The following DPP6 variants were observed in gnomAD, a reference collection of about 807,000 sequenced individuals.
The protein encoded by DPP6 is dipeptidyl peptidase like 6, also known as A-type potassium channel modulatory protein DPP6.
In DPP6, 69 loss-of-function variants were observed where a neutral mutation model predicts 122.6. That is an observed-to-expected ratio of 0.56 (90% CI 0.46 to 0.69). The LOEUF (loss-of-function observed/expected upper bound fraction) is 0.69. Among genes scored for constraint, DPP6 ranks in the 30% least tolerant of loss-of-function variants. The pLI, the probability that DPP6 is intolerant of heterozygous loss-of-function variation, is 0.00. For synonymous variants in DPP6, 418 were observed against 433.1 expected (o/e 0.97, Z 0.43); for missense variants, 928 against 1,116.9 (o/e 0.83, Z 2.41).
chr7:154,218,037 A>T (rs944901359), intron 1 of DPP6, among the ~76,000 whole-genome samples: 1 of 152,240 alleles, frequency 6.6e-6, no homozygotes, highest in Non-Finnish European at 1.5e-5. Context: ...ACATATGAAA[A>T]AAAGAAGCCA....
chr7:154,314,078 G>A (rs1044578999), intron 1 of DPP6, among the ~76,000 whole-genome samples: 2 of 152,084 alleles, frequency 1.3e-5, no homozygotes, highest in Admixed American at 1.3e-4. Context: ...GGATGATGAA[G>A]ACCTGACCCT....
chr7:154,419,333 GC>G (rs1187586958), intron 1 of DPP6, among the ~76,000 whole-genome samples: 1 of 152,184 alleles, frequency 6.6e-6, no homozygotes, highest in Non-Finnish European at 1.5e-5. Context: ...TGATGGGTAT[GC>G]TTTATTTACA....
intron 3 of DPP6, among the ~76,000 whole-genome samples, chr7:154,506,921 T>C (rs1157131931): frequency 6.6e-6 from 1 of 152,206 alleles, no homozygotes; most frequent in Non-Finnish European, 1.5e-5. Context: ...TAGCAATAGA[T>C]TAACACTGTT....
At chr7:153,775,817 A>G in the DPP6 span, among the ~76,000 whole-genome samples, 5 of 152,206 alleles carry the variant, frequency 3.3e-5, no homozygotes, top group African/African-American at 9.6e-5. Context: ...TTTAAAAATT[A>G]CCATTCAAAA....
chr7:154,785,416 G>T (rs1797280052), intron 10 of DPP6, among the ~76,000 whole-genome samples: 1 of 152,120 alleles, frequency 6.6e-6, no homozygotes, highest in South Asian at 2.1e-4. Flanking sequence ...TGATAGACAA[G>T]AATTCGGAAC....
At chr7:153,859,538 C>T in the DPP6 span, among the ~76,000 whole-genome samples, 1 of 152,236 alleles carries the variant, frequency 6.6e-6, no homozygotes, top group South Asian at 2.1e-4. Context: ...CTAAGACAAC[C>T]AAGGGGCATT....
intron 3 of DPP6, among the ~76,000 whole-genome samples, chr7:154,479,803 A>G (rs1450907664): frequency 6.6e-6 from 1 of 152,062 alleles, no homozygotes; most frequent in Admixed American, 6.6e-5. Context: ...CTTTGTTTAC[A>G]TGGACCAATC....
At chr7:153,773,283 G>GTGTGTGTGTGTGTGTA in the DPP6 span, among the ~76,000 whole-genome samples, 1 of 144,602 alleles carries the variant, frequency 6.9e-6, no homozygotes, top group South Asian at 2.2e-4. Flanking sequence ...GTGTGTGTGT[G>GTGTGTGTGTGTGTGTA]TGTGTGTGTC....
At chr7:154,293,987 G>A (rs941142333) in intron 1 of DPP6, among the ~76,000 whole-genome samples, 1 of 152,140 alleles carries the variant, frequency 6.6e-6, no homozygotes, top group Non-Finnish European at 1.5e-5. Context: ...AGCCAGTTAT[G>A]GAGTCCCTAC....
At position 154,281,300 on chromosome 7, in the gene DPP6, G is replaced by A. The variant is rs1459571454; in HGVS notation, c.244-164914G>A. Among the ~76,000 whole-genome samples, 7 of 152,146 alleles carry A rather than the reference G, an allele frequency of 4.6e-5. No individual in the cohort carries two copies. The South Asian group carries it at 6.2e-4, about 14-fold the overall frequency. On this transcript the variant is annotated intron_variant, in intron 1 of 25. Coordinates refer to ENST00000377770, the MANE Select transcript of DPP6 (RefSeq NM_130797.4). Reference sequence around the variant, plus strand: ...AATGCCAGGATTACAGGCATAAGCCGCTGCGCCCAGCCTAAGAACACAATT... The same window carrying A: ...AATGCCAGGATTACAGGCATAAGCCACTGCGCCCAGCCTAAGAACACAATT...
the DPP6 span, among the ~76,000 whole-genome samples, chr7:153,790,972 A>C: frequency 1.3e-5 from 2 of 152,214 alleles, no homozygotes; most frequent in Non-Finnish European, 2.9e-5. Context: ...GAGGAGATAA[A>C]GAAAGGCCTC....
chr7:154,418,484 G>C (rs920193776), intron 1 of DPP6, among the ~76,000 whole-genome samples: 1 of 152,104 alleles, frequency 6.6e-6, no homozygotes, highest in African/African-American at 2.4e-5. Flanking sequence ...TAGATTGTGC[G>C]AAAGGAAAGT....
intron 1 of DPP6, among the ~76,000 whole-genome samples, chr7:154,239,117 T>C (rs1338485706): frequency 6.6e-6 from 1 of 152,238 alleles, no homozygotes; most frequent in Non-Finnish European, 1.5e-5. Flanking sequence ...CCTAAGTTCT[T>C]AGGGGAAGGG....
rs903898723 is a variant in DPP6 at position 154,403,917 on chromosome 7, C to T, written c.244-42297C>T. ...TTTGGAGCTGAAGTGCTCGGAAGGC[C>T]ACTGATTTTAAGCTCATTAAACTCA... On this transcript the variant is annotated intron_variant, in intron 1 of 25. Coordinates refer to ENST00000377770, the MANE Select transcript of DPP6 (RefSeq NM_130797.4). The surrounding 1 kb of genome is among the most constrained non-coding windows in gnomAD (Gnocchi z 4.1). Among the ~76,000 whole-genome samples the T allele has an allele frequency of 1.3e-5, 2 of 152,154 alleles. No individual in the cohort carries two copies. The highest frequency in any genetic ancestry group is 2.1e-4 in the South Asian group (1 of 4,828).
intron 3 of DPP6, among the ~76,000 whole-genome samples, chr7:154,477,502 C>T (rs907303639): frequency 2.0e-5 from 3 of 146,430 alleles, no homozygotes; most frequent in Non-Finnish European, 3.0e-5. Context: ...CCCATGGCAT[C>T]AGACTTGGCC....
chr7:154,208,729 T>G (rs1799583391), intron 1 of DPP6, among the ~76,000 whole-genome samples: 1 of 152,108 alleles, frequency 6.6e-6, no homozygotes, highest in Non-Finnish European at 1.5e-5. Flanking sequence ...GAAATAAGTT[T>G]TCATCTTTGG....
chr7:154,888,650 C>G (rs73169094), intron 23 of DPP6, among the ~76,000 whole-genome samples: 2,905 of 152,336 alleles, frequency 0.019, 40 homozygotes, highest in Non-Finnish European at 0.032. Flanking sequence ...GGAGGAAACT[C>G]TTCCTTTTTC....
At chr7:154,574,436 GTGTA>G (rs1386401464) in intron 5 of DPP6, among the ~76,000 whole-genome samples, 6 of 146,804 alleles carry the variant, frequency 4.1e-5, no homozygotes, top group Non-Finnish European at 7.5e-5. Flanking sequence ...TGTGGTGTGT[GTGTA>G]TGTGTGTGGT....
At chr7:154,516,330 C>G (rs183410036) in intron 3 of DPP6, among the ~76,000 whole-genome samples, 1 of 151,850 alleles carries the variant, frequency 6.6e-6, no homozygotes, top group East Asian at 1.9e-4. Context: ...ATGCAGGGAG[C>G]GCAAAGGACT....
Sources: gnomAD v4.1 joint callset for allele counts (sites outside exome capture counted in the v4.1 genomes callset) on GRCh38, gnomAD v4.1.1 for gene constraint, Gnocchi (gnomAD v3.1) non-coding constraint, MANE v1.5 for transcripts, NCBI Gene and HGNC (gene_info 2026-07-23, HGNC 2026-07-21) for gene names.